The following MIAT variants were observed in gnomAD, a reference collection of about 807,000 sequenced individuals.
The protein encoded by MIAT is myocardial infarction associated transcript, also known as MI related novel mRNA.
chr22:26,654,604 A>T (rs1930390877), intron 2 of MIAT, among the ~76,000 whole-genome samples: 1 of 152,218 alleles, frequency 6.6e-6, no homozygotes, highest in Non-Finnish European at 1.5e-5. Flanking sequence ...AGGCAGGAGG[A>T]TCCCTTGAAC....
At chr22:26,662,127 T>C (rs769815712) in intron 2 of MIAT, among the ~76,000 whole-genome samples, 4 of 151,618 alleles carry the variant, frequency 2.6e-5, no homozygotes, top group Non-Finnish European at 5.9e-5. Flanking sequence ...CAGCTAATTT[T>C]TGAATTTTTT....
At chr22:26,661,265 C>T (rs942061640) in intron 2 of MIAT, among the ~76,000 whole-genome samples, 1 of 152,134 alleles carries the variant, frequency 6.6e-6, no homozygotes, top group Non-Finnish European at 1.5e-5. Flanking sequence ...GCTTGAGCTC[C>T]GAGGAACAAT....
intron 2 of MIAT, among the ~76,000 whole-genome samples, chr22:26,659,201 C>G (rs562712309): frequency 7.2e-5 from 11 of 152,104 alleles, no homozygotes; most frequent in Non-Finnish European, 8.8e-5. Flanking sequence ...GCCCCCACCT[C>G]GCCCCTCAAC....
chr22:26,669,507 T>C, exon 6 of MIAT: 1 of 398,580 alleles, frequency 2.5e-6, no homozygotes, highest in East Asian at 3.6e-5. Flanking sequence ...GACACTAATA[T>C]CACCATATTA....
downstream of MIAT, chr22:26,673,349 C>T (rs777867363): frequency 1.8e-5 from 7 of 398,798 alleles, no homozygotes; most frequent in Admixed American, 4.4e-5. Context: ...TAATCTCTGG[C>T]TCCCTTGCGC....
chr22:26,648,068 G>A (rs1284015909), intron 2 of MIAT, among the ~76,000 whole-genome samples: 1 of 152,144 alleles, frequency 6.6e-6, no homozygotes, highest in Non-Finnish European at 1.5e-5. Flanking sequence ...GAGGGGTGGC[G>A]GCAGGCGGGC....
At chr22:26,671,749 G>A, downstream of MIAT, 1 of 398,436 alleles carries the variant, frequency 2.5e-6, no homozygotes, top group African/African-American at 2.1e-5. Flanking sequence ...TTTCCTCAGT[G>A]GTAGAATGCG....
At chr22:26,666,290 AG>A in exon 4 of MIAT, 1 of 398,680 alleles carries the variant, frequency 2.5e-6, no homozygotes, top group Non-Finnish European at 4.4e-6. Flanking sequence ...CTGGTGACAC[AG>A]GGTGGTCTTA....
intron 2 of MIAT, among the ~76,000 whole-genome samples, chr22:26,649,033 GA>G (rs1164376957): frequency 6.6e-6 from 1 of 151,064 alleles, no homozygotes; most frequent in South Asian, 2.1e-4. Context: ...CAGGAAGGAG[GA>G]AAAAATTCAG....
At chr22:26,661,004 G>A (rs1393388999) in intron 2 of MIAT, among the ~76,000 whole-genome samples, 4 of 152,156 alleles carry the variant, frequency 2.6e-5, no homozygotes, top group Non-Finnish European at 5.9e-5. Context: ...GAATGTTATC[G>A]TGCACCCACT....
At chr22:26,671,679 A>G, downstream of MIAT, 1 of 398,636 alleles carries the variant, frequency 2.5e-6, no homozygotes, top group Non-Finnish European at 4.4e-6. Flanking sequence ...AAGACTCACC[A>G]ACTCTGCCAC....
intron 2 of MIAT, among the ~76,000 whole-genome samples, chr22:26,648,559 G>T (rs4822759): frequency 0.47 from 51,943 of 110,968 alleles, 9,708 homozygotes; most frequent in African/African-American, 0.54. Context: ...ATGGGGTTTT[G>T]TTTTTTTTTT....
At chr22:26,663,849 G>A (rs1334347859) in intron 3 of MIAT, among the ~76,000 whole-genome samples, 3 of 151,820 alleles carry the variant, frequency 2.0e-5, no homozygotes, top group South Asian at 2.1e-4. Context: ...CATTTTCATC[G>A]TTCTAAAATG....
At chr22:26,657,225 C>G (rs1247499072) in intron 2 of MIAT, 1 of 321,740 alleles carries the variant, frequency 3.1e-6, no homozygotes, top group Non-Finnish European at 5.6e-6. Context: ...GTTGCCATGA[C>G]AGCGCCGCGG....
downstream of MIAT, chr22:26,671,317 C>A (rs1440932493): frequency 2.5e-6 from 1 of 398,720 alleles, no homozygotes; most frequent in Middle Eastern, 6.3e-4. Flanking sequence ...TAGAGTTAGA[C>A]CCCCTGCCCT....
chr22:26,668,426 A>T, exon 6 of MIAT: 1 of 398,774 alleles, frequency 2.5e-6, no homozygotes, highest in Non-Finnish European at 4.4e-6. Context: ...CTGGCAGCCC[A>T]CTACTCCCTC....
At chr22:26,673,710 G>A (rs890520171), downstream of MIAT, 2 of 398,260 alleles carry the variant, frequency 5.0e-6, no homozygotes, top group African/African-American at 4.1e-5. Context: ...CTAACACAGG[G>A]AAAAGCATAG....
downstream of MIAT, chr22:26,674,445 T>C (rs995936593): frequency 1.0e-5 from 4 of 398,626 alleles, no homozygotes; most frequent in Non-Finnish European, 8.8e-6. Context: ...AGGCAGGGCC[T>C]GGAGGATTGG....
rs1930889812 is a variant in MIAT at position 26,667,407 on chromosome 22, TGC to T, written n.2262+101_2262+102del. The stretch of plus-strand genomic sequence containing the variant: ...GTGTGTGTGCATGCGTGCATGTGTG[TGC>T]GCGTGTATGTGTGTGTATGCGCGCG... On this transcript the variant is annotated intron_variant and non_coding_transcript_variant, in intron 5 of 5. Transcript: ENST00000643270. 8.1e-5 allele frequency: 30 copies of T among 370,214 alleles called. No individual in the cohort carries two copies. The Admixed American group carries it at 8.5e-4, about 11-fold the overall frequency. 22.9% of individuals were successfully genotyped at this position (370,214 alleles called of 1,614,324 possible).
Sources: gnomAD v4.1 joint callset for allele counts (sites outside exome capture counted in the v4.1 genomes callset) on GRCh38, gnomAD v4.1.1 for gene constraint, MANE v1.5 for transcripts, NCBI Gene and HGNC (gene_info 2026-07-23, HGNC 2026-07-21) for gene names.